The following CACHD1 variants were observed in gnomAD, a reference collection of about 807,000 sequenced individuals.
CACHD1 encodes cache domain containing 1.
In CACHD1, 71 loss-of-function variants were observed where a neutral mutation model predicts 138.7. The observed-to-expected ratio is 0.51, with a 90% confidence interval of 0.42 to 0.62. The LOEUF is 0.62. CACHD1 is among the 20% of genes least tolerant of loss of function. The pLI is 0.00. For synonymous variants in CACHD1, 578 were observed against 591.5 expected, an observed-to-expected ratio of 0.98 and a Z score of 0.33; for missense variants, 1,389 against 1,625.3, an observed-to-expected ratio of 0.85 and a Z score of 2.50.
intron 3 of CACHD1, among the ~76,000 whole-genome samples, chr1:64,593,187 T>A (rs10889490): frequency 0.3 from 45,223 of 152,052 alleles, 7,719 homozygotes; most frequent in African/African-American, 0.47. Flanking sequence ...ATCATCCCAC[T>A]AATATTTTTA....
chr1:64,669,818 A>G (rs1649758400), intron 16 of CACHD1, among the ~76,000 whole-genome samples: 2 of 152,250 alleles, frequency 1.3e-5, no homozygotes, highest in South Asian at 4.1e-4. Flanking sequence ...TAGCATGTTT[A>G]TCATTTTGAA....
intron 1 of CACHD1, among the ~76,000 whole-genome samples, chr1:64,474,944 G>T (rs941038659): frequency 3.3e-5 from 5 of 152,168 alleles, no homozygotes; most frequent in African/African-American, 1.2e-4. Context: ...GAGGAGCAGG[G>T]TTTCTTCCAG....
intron 1 of CACHD1, among the ~76,000 whole-genome samples, chr1:64,485,636 A>G (rs1191314595): frequency 3.3e-5 from 5 of 152,184 alleles, no homozygotes. Flanking sequence ...GCTGGAGTGC[A>G]GTAGCATGAT....
chr1:64,495,742 A>G (rs1646302648), intron 1 of CACHD1, among the ~76,000 whole-genome samples: 1 of 151,886 alleles, frequency 6.6e-6, no homozygotes, highest in Admixed American at 6.6e-5. Context: ...ATGAGTTTTC[A>G]AAGAGCCCTA....
intron 1 of CACHD1, among the ~76,000 whole-genome samples, chr1:64,494,664 A>G (rs1570303808): frequency 6.6e-6 from 1 of 152,196 alleles, no homozygotes; most frequent in East Asian, 1.9e-4. Flanking sequence ...GCTTAAATTG[A>G]CAGGATATGG....
chr1:64,593,263 ATGT>A (rs549338648), intron 3 of CACHD1, among the ~76,000 whole-genome samples: 105 of 152,290 alleles, frequency 6.9e-4, no homozygotes, highest in African/African-American at 2.1e-3. Context: ...TCTACTTTTA[ATGT>A]TGTATTAATG....
Position 64,546,458 on chromosome 1 carries a change from C to T in CACHD1, c.199-4136C>T, listed in dbSNP as rs1434669546. Reference sequence around the variant, plus strand: ...CAAGTGATCCTCCCACCTCTGCCTCCTGAGTAGCTGAACTACCCGTGGGTG... The same window carrying T: ...CAAGTGATCCTCCCACCTCTGCCTCTTGAGTAGCTGAACTACCCGTGGGTG... On this transcript the variant is annotated intron_variant, in intron 1 of 26. Transcript: ENST00000651257. Among the ~76,000 whole-genome samples, 3 of 152,066 alleles carry T rather than the reference C, an allele frequency of 2.0e-5. No homozygotes were observed. The East Asian group carries it at 5.8e-4, about 29-fold the overall frequency.
chr1:64,565,854 A>C (rs1383941221), intron 2 of CACHD1, among the ~76,000 whole-genome samples: 1 of 152,230 alleles, frequency 6.6e-6, no homozygotes, highest in East Asian at 1.9e-4. Context: ...CTCAGAAATG[A>C]ATGTGGCAGT....
intron 1 of CACHD1, among the ~76,000 whole-genome samples, chr1:64,499,556 C>G (rs1399538): frequency 0.69 from 104,944 of 152,184 alleles, 40,503 homozygotes; most frequent in Non-Finnish European, 0.84. Flanking sequence ...TCAAGGAGTC[C>G]GTGAACTTGA....
intron 1 of CACHD1, among the ~76,000 whole-genome samples, chr1:64,476,618 C>G (rs1446427595): frequency 6.6e-6 from 1 of 152,208 alleles, no homozygotes; most frequent in Non-Finnish European, 1.5e-5. Context: ...ACGGATGACT[C>G]TGAGTTGAAC....
rs751517578 is a variant in CACHD1, at chr1:64,664,584, C to T, written c.2181C>T (p.Tyr727=). The change falls in exon 15 of 27, where the codon TAC becomes TAT. Residue 727 remains tyrosine (Y), a synonymous_variant. Coordinates refer to ENST00000651257, the MANE Select transcript of CACHD1 (RefSeq NM_020925.4). The part of the protein sequence containing the change: ...TQMEMSSLNT[Y]IVRRYIATPN... The stretch of plus-strand genomic sequence containing the variant: ...TGGAAATGAGTAGCCTGAACACTTA[C>T]ATTGTCCGCCGTTACATAGCAACAC... The T allele has an allele frequency of 6.8e-6, 11 of 1,614,174 alleles. No homozygotes were observed. Among genetic ancestry groups the T allele is most frequent in the Non-Finnish European group, 9.3e-6 (11 of 1,179,996 alleles).
At chr1:64,598,150 G>C (rs1288659552) in intron 3 of CACHD1, among the ~76,000 whole-genome samples, 3 of 152,080 alleles carry the variant, frequency 2.0e-5, no homozygotes, top group Admixed American at 2.0e-4. Context: ...GTTAGTGAAG[G>C]GTAGAAAGAT....
chr1:64,566,903 T>C (rs1309155123), intron 2 of CACHD1, among the ~76,000 whole-genome samples: 1 of 152,150 alleles, frequency 6.6e-6, no homozygotes, highest in Non-Finnish European at 1.5e-5. Context: ...TTAGCTCTAA[T>C]AATATTTAGA....
intron 1 of CACHD1, among the ~76,000 whole-genome samples, chr1:64,532,845 T>C (rs962257689): frequency 5.9e-5 from 9 of 152,130 alleles, no homozygotes; most frequent in African/African-American, 1.9e-4. Context: ...TTGTTCTTAC[T>C]TGAAAGCTTG....
intron 4 of CACHD1, among the ~76,000 whole-genome samples, chr1:64,604,476 C>G (rs967776642): frequency 2.0e-5 from 3 of 152,092 alleles, no homozygotes; most frequent in Admixed American, 2.0e-4. Context: ...CTCCAGGTTC[C>G]CAAATTCAGT....
At chr1:64,630,934 A>C (rs754412169) in intron 5 of CACHD1, among the ~76,000 whole-genome samples, 1 of 152,078 alleles carries the variant, frequency 6.6e-6, no homozygotes. Context: ...AATGATCCAC[A>C]TTTCTCTCTG....
intron 1 of CACHD1, among the ~76,000 whole-genome samples, chr1:64,484,379 T>C (rs1025111134): frequency 1.3e-5 from 2 of 151,946 alleles, no homozygotes; most frequent in East Asian, 3.9e-4. Flanking sequence ...AGACAGGACC[T>C]TGGTGTAGTT....
intron 5 of CACHD1, among the ~76,000 whole-genome samples, chr1:64,631,193 A>G (rs1648291295): frequency 6.6e-6 from 1 of 152,254 alleles, no homozygotes; most frequent in Non-Finnish European, 1.5e-5. Flanking sequence ...AGTTTCATTT[A>G]TGTGAATTGA....
intron 1 of CACHD1, among the ~76,000 whole-genome samples, chr1:64,504,668 C>T (rs181544456): frequency 1.4e-3 from 210 of 152,174 alleles, no homozygotes; most frequent in African/African-American, 4.8e-3. Context: ...ATATATCTTC[C>T]ACTATGGTAT....
Sources: gnomAD v4.1 joint callset for allele counts (sites outside exome capture counted in the v4.1 genomes callset) on GRCh38, gnomAD v4.1.1 for gene constraint, MANE v1.5 for transcripts, NCBI Gene and HGNC (gene_info 2026-07-23, HGNC 2026-07-21) for gene names.